FAXC: variants seen among roughly 807,000 people sequenced by gnomAD.
FAXC encodes the protein failed axon connections homolog, metaxin like GST domain containing.
FAXC carries 10 observed loss-of-function variants against 41.9 expected under a neutral mutation model. The ratio of observed to expected loss-of-function variants is 0.24; its 90% CI spans 0.15 to 0.41. The LOEUF (loss-of-function observed/expected upper bound fraction) is 0.41. Ranked by LOEUF, FAXC falls within the 10% of genes least tolerant of loss-of-function variation. FAXC has a pLI of 1.00. For synonymous variants in FAXC, 183 were observed against 183.8 expected (o/e 1.00, Z 0.03); for missense variants, 399 against 510.9 (o/e 0.78, Z 2.11).
In FAXC at chr6:99,278,995, T is replaced by C. The variant is rs550565573; in HGVS notation, c.*2169A>G. ...GAAAAAAATTCAAATACATTTCTTT[T>C]CTACTAAAATGTGGTGGGAAAAGGA... On this transcript the variant is annotated 3_prime_UTR_variant, in exon 6 of 6. Coordinates refer to ENST00000389677, the MANE Select transcript of FAXC (RefSeq NM_032511.4). The C allele has an allele frequency of 3.3e-5, 5 of 152,364 alleles. No individual in the cohort carries two copies. In the South Asian group the frequency reaches 6.2e-4, roughly 19 times the overall value. The allele number at this position is 152,364 out of a possible 1,614,324, so 9.4% of individuals were successfully genotyped here.
chr6:99,341,458 A>G (rs1337474758), intron 2 of FAXC, among the ~76,000 whole-genome samples: 1 of 152,194 alleles, frequency 6.6e-6, no homozygotes, highest in Non-Finnish European at 1.5e-5. Context: ...TGGAGAATCT[A>G]TCTCAATATC....
intron 4 of FAXC, among the ~76,000 whole-genome samples, chr6:99,320,156 T>C (rs1265298487): frequency 6.6e-6 from 1 of 152,216 alleles, no homozygotes; most frequent in Non-Finnish European, 1.5e-5. Context: ...TATAATACCC[T>C]TCCATCGGGT....
At chr6:99,285,663 T>A (rs1771005293) in intron 5 of FAXC, among the ~76,000 whole-genome samples, 1 of 152,204 alleles carries the variant, frequency 6.6e-6, no homozygotes, top group African/African-American at 2.4e-5. Flanking sequence ...TTTTCAAATT[T>A]AAAAATCCAA....
chr6:99,326,842 G>A lies in FAXC; in HGVS notation c.600-3175C>T, dbSNP rs906448335. ...CTGCCTGATGACTTCAGCTTCCTCC[G>A]TAGCATGGGAAATGGGGGCACGCAC... On this transcript the variant is annotated intron_variant, in intron 3 of 5. Coordinates refer to ENST00000389677, the MANE Select transcript of FAXC (RefSeq NM_032511.4). 4.6e-5 allele frequency among the ~76,000 whole-genome samples: 7 copies of A among 152,260 alleles called. No individual in the cohort carries two copies. The East Asian group carries it at 5.8e-4, about 13-fold the overall frequency.
At chr6:99,320,346 C>A (rs1402289992) in intron 4 of FAXC, among the ~76,000 whole-genome samples, 3 of 152,024 alleles carry the variant, frequency 2.0e-5, no homozygotes, top group Non-Finnish European at 2.9e-5. Flanking sequence ...CTAACTCTAC[C>A]TGATTTGACT....
At chr6:99,287,297 A>G (rs1289042706) in intron 5 of FAXC, among the ~76,000 whole-genome samples, 2 of 152,180 alleles carry the variant, frequency 1.3e-5, no homozygotes, top group Non-Finnish European at 2.9e-5. Flanking sequence ...ACATACTTAC[A>G]TTTGATAAAA....
In FAXC at chr6:99,333,491, A is replaced by G; in HGVS notation, c.459T>C (p.Asn153=). 1 of 1,614,114 alleles carries G rather than the reference A, an allele frequency of 6.2e-7. No homozygotes were observed. The highest frequency in any genetic ancestry group is 2.2e-5 in the East Asian group (1 of 44,882). The change falls in exon 3 of 6, where the codon AAT becomes AAC. Residue 153 remains asparagine, a synonymous_variant. Coordinates refer to ENST00000389677, the MANE Select transcript of FAXC (RefSeq NM_032511.4). The stretch of plus-strand genomic sequence containing the variant: ...ATTCTGTGCCAGAAACTTTTTCATG[A>G]TTATATTCAATCCAAGGCATTTTCC... ...AQGKMPWIEY[N]HEKVSGTEFI...
intron 2 of FAXC, among the ~76,000 whole-genome samples, chr6:99,335,778 A>G (rs545552789): frequency 6.6e-6 from 1 of 152,292 alleles, no homozygotes; most frequent in South Asian, 2.1e-4. Flanking sequence ...AGCACCAATT[A>G]TCTATTTCTA....
intron 2 of FAXC, among the ~76,000 whole-genome samples, chr6:99,339,982 A>G (rs1180337394): frequency 6.6e-6 from 1 of 152,246 alleles, no homozygotes; most frequent in African/African-American, 2.4e-5. Flanking sequence ...ATAAAGGACC[A>G]AACAGGATAT....
intron 4 of FAXC, among the ~76,000 whole-genome samples, chr6:99,305,860 A>T (rs1360071587): frequency 1.3e-5 from 2 of 152,150 alleles, no homozygotes; most frequent in African/African-American, 4.8e-5. Context: ...TATTTTGACT[A>T]TTTACAAGAC....
chr6:99,342,758 A>C, intron 2 of FAXC, 140 bp downstream of exon 2: 1 of 644,044 alleles, frequency 1.6e-6, no homozygotes, highest in Non-Finnish European at 2.5e-6. Context: ...TTTCCCTCTT[A>C]CTAAGGATTA....
chr6:99,347,108 A>T lies in FAXC; in HGVS notation c.266+1999T>A, dbSNP rs190518840. Among the ~76,000 whole-genome samples the T allele has an allele frequency of 5.0e-3, 591 of 117,522 alleles. 1 individual carries two copies. Among genetic ancestry groups the T allele is most frequent in the African/African-American group, 0.015 (569 of 38,764 alleles). The allele number at this position is 117,522 out of a possible 152,430, so 77.1% of individuals were successfully genotyped here. On this transcript the variant is annotated intron_variant, in intron 1 of 5. Coordinates refer to ENST00000389677, the MANE Select transcript of FAXC (RefSeq NM_032511.4). ...GAGACCCCATCTCCACAAAAAAGTT[A>T]AAAAAAAAATTAGCCAAGTGCAATG...
chr6:99,293,240 C>A (rs1031023984), intron 4 of FAXC, among the ~76,000 whole-genome samples: 1 of 152,214 alleles, frequency 6.6e-6, no homozygotes, highest in South Asian at 2.1e-4. Flanking sequence ...CATGTTCCAG[C>A]TGTATCCTTC....
chr6:99,335,842 T>A (rs1773197592), intron 2 of FAXC, among the ~76,000 whole-genome samples: 1 of 152,206 alleles, frequency 6.6e-6, no homozygotes, highest in African/African-American at 2.4e-5. Context: ...TAAATGGAAG[T>A]TCTAGTATGT....
chr6:99,347,465 C>G (rs1055234184), intron 1 of FAXC, among the ~76,000 whole-genome samples: 1 of 151,626 alleles, frequency 6.6e-6, no homozygotes, highest in Non-Finnish European at 1.5e-5. Context: ...CTCCTTAGTC[C>G]AAATAAGCAT....
intron 4 of FAXC, among the ~76,000 whole-genome samples, chr6:99,302,283 A>C (rs1223665938): frequency 6.6e-6 from 1 of 152,226 alleles, no homozygotes; most frequent in Non-Finnish European, 1.5e-5. Flanking sequence ...AGAAAGAAAG[A>C]TGCCTAAGAT....
chr6:99,331,900 C>T (rs1159143732), intron 3 of FAXC, among the ~76,000 whole-genome samples: 1 of 152,212 alleles, frequency 6.6e-6, no homozygotes, highest in Non-Finnish European at 1.5e-5. Context: ...TGCAGTCATG[C>T]ATTCTGGTTC....
intron 4 of FAXC, among the ~76,000 whole-genome samples, chr6:99,300,474 T>C (rs1280610988): frequency 6.6e-6 from 1 of 152,228 alleles, no homozygotes; most frequent in African/African-American, 2.4e-5. Flanking sequence ...CCAACAAAGA[T>C]ATCAGTTTTA....
At chr6:99,342,825 T>G in intron 2 of FAXC, 73 bp downstream of exon 2, 7 of 1,439,254 alleles carry the variant, frequency 4.9e-6, no homozygotes, top group Non-Finnish European at 6.6e-6. Context: ...AGACGAAATA[T>G]TCCCCCCTTT....
Sources: gnomAD v4.1 joint callset for allele counts (sites outside exome capture counted in the v4.1 genomes callset) on GRCh38, gnomAD v4.1.1 for gene constraint, MANE v1.5 for transcripts, NCBI Gene and HGNC (gene_info 2026-07-23, HGNC 2026-07-21) for gene names.